The following TMEM182 variants were observed in gnomAD, a reference collection of about 807,000 sequenced individuals.
TMEM182 encodes the protein transmembrane protein 182.
TMEM182 carries 20 observed loss-of-function variants against 26.8 expected under a neutral mutation model. That is an observed-to-expected ratio of 0.75 (90% CI 0.53 to 1.09). The LOEUF (loss-of-function observed/expected upper bound fraction) is 1.09, where lower values mean the gene tolerates loss of function less well. Ranked by LOEUF, TMEM182 falls within the 50% of genes least tolerant of loss-of-function variation. The pLI is 0.00. For synonymous variants in TMEM182, 109 were observed against 102.2 expected, an observed-to-expected ratio of 1.07 and a Z score of -0.40; for missense variants, 277 against 275.5, an observed-to-expected ratio of 1.01 and a Z score of -0.04.
intron 4 of TMEM182, among the ~76,000 whole-genome samples, chr2:102,798,893 A>G: frequency 6.6e-6 from 1 of 152,120 alleles, no homozygotes; most frequent in East Asian, 1.9e-4. Flanking sequence ...TGAATATATT[A>G]TTTTCTGTGT....
downstream of TMEM182, among the ~76,000 whole-genome samples, chr2:102,817,882 T>C (rs1461813571): frequency 6.6e-6 from 1 of 152,204 alleles, no homozygotes; most frequent in Non-Finnish European, 1.5e-5. Flanking sequence ...CAGCAATCTA[T>C]TATTGTTGTT....
At chr2:102,836,623 A>G (rs964000729) in intron 3 of TMEM182, among the ~76,000 whole-genome samples, 2 of 152,206 alleles carry the variant, frequency 1.3e-5, no homozygotes, top group Admixed American at 6.5e-5. Flanking sequence ...AGATTCCATG[A>G]ACAAAAAGCA....
At chr2:102,823,764 T>C (rs1356946213) in intron 3 of TMEM182, among the ~76,000 whole-genome samples, 1 of 152,204 alleles carries the variant, frequency 6.6e-6, no homozygotes, top group East Asian at 1.9e-4. Flanking sequence ...AGAAAGAAAG[T>C]GAAGCAATGT....
chr2:102,834,275 C>T, intron 3 of TMEM182: 5 of 588,340 alleles, frequency 8.5e-6, no homozygotes, highest in Non-Finnish European at 8.6e-6. Flanking sequence ...AAACTTCATG[C>T]ACAACAGTCT....
intron 3 of TMEM182, among the ~76,000 whole-genome samples, chr2:102,834,215 C>A (rs1248261651): frequency 6.6e-6 from 1 of 152,130 alleles, no homozygotes; most frequent in African/African-American, 2.4e-5. Context: ...CTATAGCCAT[C>A]CCTACTTTGC....
At chr2:102,826,895 G>A (rs1336630702) in intron 3 of TMEM182, among the ~76,000 whole-genome samples, 1 of 151,834 alleles carries the variant, frequency 6.6e-6, no homozygotes, top group African/African-American at 2.4e-5. Flanking sequence ...GTTTCTAAAT[G>A]TTGGCCAATC....
intron 1 of TMEM182, chr2:102,737,020 A>G: frequency 1.8e-6 from 1 of 564,292 alleles, no homozygotes; most frequent in East Asian, 3.2e-5. Context: ...TACGGTAAGC[A>G]CACACCAGTT....
intron 1 of TMEM182, among the ~76,000 whole-genome samples, chr2:102,746,218 C>T (rs146893078): frequency 1.3e-4 from 20 of 152,166 alleles, no homozygotes; most frequent in South Asian, 6.2e-4. Flanking sequence ...ATGTGTTTAT[C>T]GGCCATTTGT....
At chr2:102,807,942 A>G (rs891853610) in intron 4 of TMEM182, among the ~76,000 whole-genome samples, 19 of 152,196 alleles carry the variant, frequency 1.2e-4, no homozygotes, top group Admixed American at 1.0e-3. Context: ...GAATGACCCT[A>G]TATACAACAT....
At chr2:102,829,624 A>G (rs1390943792) in intron 3 of TMEM182, among the ~76,000 whole-genome samples, 1 of 152,194 alleles carries the variant, frequency 6.6e-6, no homozygotes, top group Non-Finnish European at 1.5e-5. Flanking sequence ...ACCATGAGAA[A>G]GTATAGGAGC....
At chr2:102,777,172 T>C (rs1680953673) in intron 3 of TMEM182, among the ~76,000 whole-genome samples, 1 of 151,864 alleles carries the variant, frequency 6.6e-6, no homozygotes, top group Admixed American at 6.6e-5. Flanking sequence ...TTTGTCTCTG[T>C]TTTTTTTCTT....
At chr2:102,813,521 G>A (rs373994398) in intron 4 of TMEM182, among the ~76,000 whole-genome samples, 34 of 152,182 alleles carry the variant, frequency 2.2e-4, no homozygotes, top group African/African-American at 8.2e-4. Context: ...CAAATAACAA[G>A]TGCTCTCAAG....
intron 3 of TMEM182, among the ~76,000 whole-genome samples, chr2:102,786,979 C>T (rs1411645679): frequency 6.6e-6 from 1 of 152,134 alleles, no homozygotes; most frequent in African/African-American, 2.4e-5. Context: ...AAGTATTAAT[C>T]ATCACATTTT....
chr2:102,796,898 C>T (rs1681891605), intron 3 of TMEM182, among the ~76,000 whole-genome samples: 1 of 152,060 alleles, frequency 6.6e-6, no homozygotes, highest in Admixed American at 6.5e-5. Flanking sequence ...TATTCTTTTC[C>T]TTCTTATCAA....
At chr2:102,751,592 C>T (rs1314076978) in intron 1 of TMEM182, among the ~76,000 whole-genome samples, 1 of 152,156 alleles carries the variant, frequency 6.6e-6, no homozygotes, top group African/African-American at 2.4e-5. Flanking sequence ...TTTGGGGCTG[C>T]TTTTCATTAA....
At chr2:102,778,980 T>C (rs973894073) in intron 3 of TMEM182, among the ~76,000 whole-genome samples, 1 of 152,152 alleles carries the variant, frequency 6.6e-6, no homozygotes, top group Admixed American at 6.5e-5. Flanking sequence ...TGCTTTTGTT[T>C]AGAAAACTCC....
rs746057862 is a variant in TMEM182 at position 102,797,864 on chromosome 2, T to G, written c.333T>G (p.Ile111Met). The G allele has an allele frequency of 1.8e-5, 29 of 1,608,872 alleles. No homozygotes were observed. Among genetic ancestry groups the G allele is most frequent in the Non-Finnish European group, 2.3e-5 (27 of 1,178,798 alleles). Residue 111 changes from isoleucine to methionine, a missense_variant and splice_region_variant, in exon 4 of 5, where the codon ATT becomes ATG. Transcript: ENST00000412401. Reference protein sequence around the residue: ...HNSTSYDSAVIYRGFWAVLML... With the variant: ...HNSTSYDSAVMYRGFWAVLML... ...CTCTTTTCCTCCTGGGGTCTCCAGT[T>G]TACCGTGGTTTCTGGGCAGTCCTGA...
chr2:102,766,751 T>C (rs796748082), intron 3 of TMEM182, among the ~76,000 whole-genome samples: 3 of 152,332 alleles, frequency 2.0e-5, no homozygotes, highest in African/African-American at 7.2e-5. Flanking sequence ...ACTTGCCAGG[T>C]CACCTTTGGT....
chr2:102,818,774 C>CTATCTATA (rs1682839595), downstream of TMEM182, among the ~76,000 whole-genome samples: 1 of 151,850 alleles, frequency 6.6e-6, no homozygotes, highest in African/African-American at 2.4e-5. Context: ...ATCTATCTAT[C>CTATCTATA]TATCTATCTC....
Sources: gnomAD v4.1 joint callset for allele counts (sites outside exome capture counted in the v4.1 genomes callset) on GRCh38, gnomAD v4.1.1 for gene constraint, MANE v1.5 for transcripts, NCBI Gene and HGNC (gene_info 2026-07-23, HGNC 2026-07-21) for gene names.